HAO1: variants seen among roughly 807,000 people sequenced by gnomAD.
HAO1 encodes 2-Hydroxyacid oxidase 1.
HAO1 carries 34 observed loss-of-function variants against 39.7 expected under a neutral mutation model. The ratio of observed to expected loss-of-function variants is 0.86; its 90% confidence interval spans 0.65 to 1.14. HAO1 has a LOEUF of 1.14. Among genes scored for constraint, HAO1 ranks in the 50% most tolerant of loss-of-function variants. HAO1 has a pLI of 0.00. For synonymous variants in HAO1, 172 were observed against 173.2 expected (o/e 0.99, Z 0.05); for missense variants, 479 against 464.5 (o/e 1.03, Z -0.29).
Position 7,885,020 on chromosome 20 carries a change from C to G in HAO1, c.1042+501G>C, listed in dbSNP as rs148763790. On this transcript the variant is annotated intron_variant, in intron 7 of 7. Coordinates refer to ENST00000378789, the MANE Select transcript of HAO1 (RefSeq NM_017545.3). ...TGATTATATTTTGAAGATCGAGCCC[C>G]TATGAGTAAGAAGGTGTGAGAGAAA... Among the ~76,000 whole-genome samples the G allele has an allele frequency of 8.3e-3, 1,263 of 151,976 alleles. 18 individuals are homozygous for G. The highest frequency in any genetic ancestry group is 0.029 in the African/African-American group (1,207 of 41,356).
At chr20:7,931,476 T>C (rs1031397430) in intron 2 of HAO1, among the ~76,000 whole-genome samples, 1 of 152,180 alleles carries the variant, frequency 6.6e-6, no homozygotes, top group Non-Finnish European at 1.5e-5. Flanking sequence ...TGTGCATCCC[T>C]AGGCAAGGTT....
intron 4 of HAO1, among the ~76,000 whole-genome samples, chr20:7,903,513 G>A (rs1374905841): frequency 6.6e-6 from 1 of 151,870 alleles, no homozygotes; most frequent in Non-Finnish European, 1.5e-5. Flanking sequence ...GGAGGTGGTA[G>A]TGGTGATACT....
intron 3 of HAO1, among the ~76,000 whole-genome samples, chr20:7,911,748 A>G (rs2050280747): frequency 6.6e-6 from 1 of 152,248 alleles, no homozygotes; most frequent in African/African-American, 2.4e-5. Context: ...CATGCTTTAC[A>G]GGCTCATTCT....
Position 7,923,220 on chromosome 20 carries a change from T to G in HAO1, c.290-8801A>C, listed in dbSNP as rs149756124. Reference sequence around the variant, plus strand: ...ATCCGGAACTCCAAAGTACAGTGATTTAAATGAGCTAGGACAGGTAAACAG... The same window carrying G: ...ATCCGGAACTCCAAAGTACAGTGATGTAAATGAGCTAGGACAGGTAAACAG... On this transcript the variant is annotated intron_variant, in intron 2 of 7. Transcript: ENST00000378789. 2.5e-4 allele frequency among the ~76,000 whole-genome samples: 38 copies of G among 152,276 alleles called. 1 individual carries two copies. In the South Asian group the frequency reaches 7.5e-3, roughly 30 times the overall value.
At chr20:7,891,277 G>T (rs2050173093) in intron 5 of HAO1, among the ~76,000 whole-genome samples, 2 of 152,106 alleles carry the variant, frequency 1.3e-5, no homozygotes, top group African/African-American at 2.4e-5. Flanking sequence ...GTTTTGATTT[G>T]CATTTCCCTG....
At chr20:7,896,095 A>G (rs1211683874) in intron 4 of HAO1, among the ~76,000 whole-genome samples, 5 of 151,866 alleles carry the variant, frequency 3.3e-5, no homozygotes, top group Admixed American at 6.6e-5. Flanking sequence ...TTAAAATTCT[A>G]TGCTACATCT....
intron 3 of HAO1, among the ~76,000 whole-genome samples, chr20:7,909,740 AG>A (rs2050268337): frequency 6.6e-6 from 1 of 152,114 alleles, no homozygotes; most frequent in South Asian, 2.1e-4. Context: ...ATTTATTATA[AG>A]TATTGATAAT....
chr20:7,935,325 G>T (rs1303581431), intron 1 of HAO1, among the ~76,000 whole-genome samples: 5 of 152,092 alleles, frequency 3.3e-5, no homozygotes, highest in Admixed American at 2.6e-4. Context: ...AAACATTCAC[G>T]TACAGGTTCT....
Position 7,909,369 on chromosome 20 carries a change from ATATATATATG to A in HAO1, c.546-3050_546-3041del, listed in dbSNP as rs1445671250. On this transcript the variant is annotated intron_variant, in intron 3 of 7. Coordinates refer to ENST00000378789, the MANE Select transcript of HAO1 (RefSeq NM_017545.3). The stretch of plus-strand genomic sequence containing the variant: ...TTTATTCGGATTATGACATATATAT[ATATATATATG>A]TATATATATATATATATATATATAT... 3.5e-4 allele frequency among the ~76,000 whole-genome samples: 35 copies of A among 98,666 alleles called. 2 individuals carry two copies. Among genetic ancestry groups the A allele is most frequent in the African/African-American group, 1.9e-3 (33 of 16,960 alleles). The allele number at this position is 98,666 out of a possible 152,430, so 64.7% of individuals were successfully genotyped here.
At chr20:7,940,092 G>A (rs2050433715) in intron 1 of HAO1, among the ~76,000 whole-genome samples, 194 bp downstream of exon 1, 1 of 152,186 alleles carries the variant, frequency 6.6e-6, no homozygotes, top group Non-Finnish European at 1.5e-5. Flanking sequence ...AGTTCCTCAA[G>A]ATTCACAGGC....
In HAO1 at chr20:7,886,169, T is replaced by C. The variant is rs375564714; in HGVS notation, c.814-305A>G. Among the ~76,000 whole-genome samples, 17 of 150,982 alleles carry C rather than the reference T, an allele frequency of 1.1e-4. No homozygotes were observed. In the East Asian group the frequency reaches 2.9e-3, roughly 26 times the overall value. On this transcript the variant is annotated intron_variant, in intron 5 of 7. Transcript: ENST00000378789. ...TTATAAACATAAAACACTTGATCTT[T>C]CATAACTTTTTTGTTTTTTTTTGAG...
At chr20:7,929,704 A>G (rs1467622144) in intron 2 of HAO1, among the ~76,000 whole-genome samples, 1 of 152,094 alleles carries the variant, frequency 6.6e-6, no homozygotes, top group Non-Finnish European at 1.5e-5. Flanking sequence ...TCTATACTAA[A>G]ATACAAAAAA....
intron 2 of HAO1, among the ~76,000 whole-genome samples, chr20:7,928,219 C>T (rs1193571237): frequency 6.6e-6 from 1 of 152,180 alleles, no homozygotes; most frequent in Non-Finnish European, 1.5e-5. Context: ...TGCTCACTGC[C>T]TCATCTAAAC....
At chr20:7,884,428 A>G (rs1277142696) in intron 7 of HAO1, among the ~76,000 whole-genome samples, 3 of 152,210 alleles carry the variant, frequency 2.0e-5, no homozygotes, top group Non-Finnish European at 2.9e-5. Flanking sequence ...ATGAAAGAAA[A>G]CTGGAAAAGA....
chr20:7,895,608 A>C (rs6117980), intron 4 of HAO1, among the ~76,000 whole-genome samples: 1 of 149,506 alleles, frequency 6.7e-6, no homozygotes, highest in Non-Finnish European at 1.5e-5. Flanking sequence ...AAAAAAAAAA[A>C]CATAAAAATG....
chr20:7,883,810 T>A, intron 7 of HAO1, 147 bp from the exon 8 acceptor site: 1 of 686,940 alleles, frequency 1.5e-6, no homozygotes, highest in Non-Finnish European at 2.6e-6. Flanking sequence ...ATGAGACCAT[T>A]TTTTATTACC....
chr20:7,909,387 A>ATATG (rs2050266534), intron 3 of HAO1, among the ~76,000 whole-genome samples: 2 of 136,660 alleles, frequency 1.5e-5, no homozygotes, highest in African/African-American at 5.6e-5. Context: ...ATGTATATAT[A>ATATG]TATATATATA....
chr20:7,908,673 A>T (rs2050260943), intron 3 of HAO1, among the ~76,000 whole-genome samples: 1 of 152,150 alleles, frequency 6.6e-6, no homozygotes, highest in African/African-American at 2.4e-5. Flanking sequence ...ATGGCCATTT[A>T]AGATCATAGA....
chr20:7,885,905 T>C, intron 5 of HAO1, 41 bp from the exon 6 acceptor site: 1 of 1,546,942 alleles, frequency 6.5e-7, no homozygotes, highest in Non-Finnish European at 8.9e-7. Context: ...CTATTAACAC[T>C]GAATTGTTAT....
Sources: allele counts gnomAD v4.1 joint callset (sites outside exome capture counted in the v4.1 genomes callset), GRCh38; gene constraint gnomAD v4.1.1; transcripts MANE v1.5; gene names NCBI Gene and HGNC (gene_info 2026-07-23, HGNC 2026-07-21).